Variants in TAF12 observed in about 807,000 individuals in gnomAD.
TAF12 encodes transcription initiation factor TFIID subunit 12.
In TAF12, 3 loss-of-function variants were observed where a neutral mutation model predicts 20.8. The ratio of observed to expected loss-of-function variants is 0.14; its 90% CI spans 0.07 to 0.37. TAF12 has a LOEUF of 0.37. Among genes scored for constraint, TAF12 ranks in the 10% least tolerant of loss-of-function variants. The probability of loss-of-function intolerance (pLI) is 1.00; values close to 1 mark genes in which losing one functional copy is unlikely to be tolerated. For synonymous variants in TAF12, 69 were observed against 70.2 expected, an observed-to-expected ratio of 0.98 and a Z score of 0.09; for missense variants, 131 against 197.9, an observed-to-expected ratio of 0.66 and a Z score of 2.03.
chr1:28,614,713 G>T (rs1557460654), intron 3 of TAF12, among the ~76,000 whole-genome samples: 1 of 150,892 alleles, frequency 6.6e-6, no homozygotes. Flanking sequence ...GAACCAGGAT[G>T]CCACCTCAAG....
chr1:28,628,778 G>T (rs139699960), intron 1 of TAF12, among the ~76,000 whole-genome samples: 2 of 152,126 alleles, frequency 1.3e-5, no homozygotes, highest in East Asian at 3.8e-4. Context: ...ATTGTTTATT[G>T]AAACACATGT....
chr1:28,643,080 C>G, upstream of TAF12: 1 of 985,938 alleles, frequency 1.0e-6, no homozygotes, highest in Non-Finnish European at 1.2e-6. Flanking sequence ...GCGGCCCTCC[C>G]CGACTACTTC....
At chr1:28,639,840 A>C (rs937894766) in intron 1 of TAF12, among the ~76,000 whole-genome samples, 22 of 152,018 alleles carry the variant, frequency 1.4e-4, no homozygotes, top group Non-Finnish European at 2.6e-4. Context: ...CTTGTTTTTC[A>C]AATTACTTTT....
chr1:28,644,044 CTG>C (rs1303926547), upstream of TAF12, among the ~76,000 whole-genome samples: 1 of 148,480 alleles, frequency 6.7e-6, no homozygotes, highest in Non-Finnish European at 1.5e-5. Flanking sequence ...GAGCGAGACT[CTG>C]TCTCAAAAAA....
At chr1:28,627,980 T>C (rs564523538) in intron 1 of TAF12, among the ~76,000 whole-genome samples, 3 of 152,090 alleles carry the variant, frequency 2.0e-5, no homozygotes, top group African/African-American at 7.2e-5. Context: ...TGGTAATACA[T>C]AGGCTTATAC....
upstream of TAF12, among the ~76,000 whole-genome samples, chr1:28,645,609 G>C (rs1668165784): frequency 6.6e-6 from 1 of 151,476 alleles, no homozygotes; most frequent in Non-Finnish European, 1.5e-5. Context: ...GATTGAGCCA[G>C]TGCACTCCAG....
chr1:28,605,340 T>TG (rs1666631795), intron 5 of TAF12, 32 bp downstream of exon 5: 1 of 1,611,770 alleles, frequency 6.2e-7, no homozygotes, highest in Non-Finnish European at 8.5e-7. Context: ...GAATCAGCCC[T>TG]GGCTGTCCCC....
In TAF12 at chr1:28,626,630, C is replaced by T. The variant is rs182472182; in HGVS notation, c.-84-4465G>A. ...TAAATAATGAAAAACTTTTTTAGGA[C>T]GGTTGATGTGGCTCACGCTTGTAAT... On this transcript the variant is annotated intron_variant, in intron 1 of 5. Coordinates refer to ENST00000373824, the MANE Select transcript of TAF12 (RefSeq NM_005644.4). 3.4e-3 allele frequency among the ~76,000 whole-genome samples: 504 copies of T among 148,838 alleles called. 2 individuals are homozygous for T. The highest frequency in any genetic ancestry group is 0.012 in the African/African-American group (478 of 40,438).
chr1:28,628,898 C>G (rs1322588158), intron 1 of TAF12, among the ~76,000 whole-genome samples: 2 of 152,190 alleles, frequency 1.3e-5, no homozygotes, highest in African/African-American at 4.8e-5. Flanking sequence ...CATGGAGAAA[C>G]CCCCTCTCTA....
Position 28,618,527 on chromosome 1 carries a change from C to T in TAF12, c.169-497G>A, listed in dbSNP as rs143210357. On this transcript the variant is annotated intron_variant, in intron 2 of 5. Coordinates refer to ENST00000373824, the MANE Select transcript of TAF12 (RefSeq NM_005644.4). ...GGACCATAGGCACGTGCCATCATAC[C>T]TGGCTAATTTTTTTTTTTTTTTTTT... 2.7e-3 allele frequency among the ~76,000 whole-genome samples: 402 copies of T among 151,044 alleles called. 1 individual carries two copies. The highest frequency in any genetic ancestry group is 9.5e-3 in the African/African-American group (390 of 41,016).
intron 1 of TAF12, 85 bp from the exon 2 acceptor site, chr1:28,622,250 T>C (rs1667243626): frequency 5.3e-6 from 7 of 1,321,166 alleles, no homozygotes; most frequent in East Asian, 6.2e-5. Context: ...CCTGGTGCAA[T>C]GGCTCACAAC....
At chr1:28,608,237 C>T (rs577494931) in intron 4 of TAF12, among the ~76,000 whole-genome samples, 14 of 143,736 alleles carry the variant, frequency 9.7e-5, no homozygotes, top group South Asian at 2.2e-4. Context: ...CCCAGCTACT[C>T]GGGAGGCTGA....
intron 1 of TAF12, among the ~76,000 whole-genome samples, chr1:28,638,884 C>T (rs1414599819): frequency 1.4e-4 from 21 of 150,698 alleles, no homozygotes; most frequent in Admixed American, 2.6e-4. Flanking sequence ...CTCCACCTCC[C>T]GGGTTCACGC....
intron 1 of TAF12, among the ~76,000 whole-genome samples, chr1:28,633,240 C>A (rs1667700247): frequency 6.7e-6 from 1 of 149,718 alleles, no homozygotes; most frequent in Non-Finnish European, 1.5e-5. Context: ...AATCTTGGCT[C>A]ACTGTAACCT....
At chr1:28,603,625 G>A in intron 5 of TAF12, 51 bp from the exon 6 acceptor site, 1 of 1,598,144 alleles carries the variant, frequency 6.3e-7, no homozygotes, top group Non-Finnish European at 8.6e-7. Flanking sequence ...GGAGTCAGGA[G>A]CTTTCTGGAA....
chr1:28,627,559 G>A (rs1667451653), intron 1 of TAF12, among the ~76,000 whole-genome samples: 1 of 151,158 alleles, frequency 6.6e-6, no homozygotes, highest in Non-Finnish European at 1.5e-5. Flanking sequence ...TGGGCGTGGT[G>A]GCGGGCACCT....
At position 28,603,137 on chromosome 1, in the gene TAF12, G is replaced by A. The variant is rs532799460; in HGVS notation, c.*402C>T. 1 of 166,130 alleles carries A rather than the reference G, an allele frequency of 6.0e-6. No homozygotes were observed. The highest frequency in any genetic ancestry group is 2.4e-5 in the African/African-American group (1 of 41,990). The allele number at this position is 166,130 out of a possible 1,614,324, so 10.3% of individuals were successfully genotyped here. On this transcript the variant is annotated 3_prime_UTR_variant, in exon 6 of 6. Coordinates refer to ENST00000373824, the MANE Select transcript of TAF12 (RefSeq NM_005644.4). ...CTTTATTCTGGAAAAGCAAATGAAA[G>A]TCATATTCATATAAACACTGACATT...
intron 2 of TAF12, among the ~76,000 whole-genome samples, chr1:28,619,395 G>A (rs1178027042): frequency 6.6e-6 from 1 of 150,884 alleles, no homozygotes; most frequent in Non-Finnish European, 1.5e-5. Flanking sequence ...CTACTTGGGA[G>A]GCTGAGGCAG....
chr1:28,634,493 C>A (rs1404595899), intron 1 of TAF12, among the ~76,000 whole-genome samples: 2 of 150,708 alleles, frequency 1.3e-5, no homozygotes, highest in Admixed American at 6.6e-5. Flanking sequence ...TAATAATTAA[C>A]CCTTACTATT....
Sources: allele counts gnomAD v4.1 joint callset (sites outside exome capture counted in the v4.1 genomes callset), GRCh38; gene constraint gnomAD v4.1.1; transcripts MANE v1.5; gene names NCBI Gene and HGNC (gene_info 2026-07-23, HGNC 2026-07-21).